ATM: variants seen among roughly 807,000 people sequenced by gnomAD.
ATM encodes ATM serine/threonine kinase, also known as serine-protein kinase ATM.
A neutral mutation model predicts 387.0 loss-of-function variants in ATM; 308 were observed. The observed-to-expected ratio is 0.80, with a 90% CI of 0.73 to 0.87. The LOEUF (loss-of-function observed/expected upper bound fraction) is 0.87, where lower values mean the gene tolerates loss of function less well. Ranked by LOEUF, ATM falls within the 40% of genes least tolerant of loss-of-function variation. ATM has a pLI of 0.00. For synonymous variants in ATM, 1,156 were observed against 1,187.3 expected, an observed-to-expected ratio of 0.97 and a Z score of 0.54; for missense variants, 3,312 against 3,560.9, an observed-to-expected ratio of 0.93 and a Z score of 1.78.
At chr11:108,282,612 A>C in intron 24 of ATM, 98 bp from the exon 25 acceptor site, 7 of 1,157,136 alleles carry the variant, frequency 6.0e-6, no homozygotes, top group Non-Finnish European at 8.7e-6. Flanking sequence ...AGTTGAATGA[A>C]TGTTGTTTCT....
At chr11:108,354,373 G>T (rs1663140046) in intron 60 of ATM, among the ~76,000 whole-genome samples, 1 of 152,112 alleles carries the variant, frequency 6.6e-6, no homozygotes, top group African/African-American at 2.4e-5. Flanking sequence ...GCATATAGAA[G>T]AGACTACATT....
chr11:108,336,235 T>C (rs762016570), intron 56 of ATM: 1 of 368,702 alleles, frequency 2.7e-6, no homozygotes, highest in Non-Finnish European at 5.1e-6. Context: ...AGTCCAGGAG[T>C]TTGAGGCTGC....
At chr11:108,290,826 TAA>T (rs202152959) in intron 29 of ATM, among the ~76,000 whole-genome samples, 67 of 124,688 alleles carry the variant, frequency 5.4e-4, no homozygotes, top group Admixed American at 5.6e-4. Context: ...TTCACTCAAT[TAA>T]AAAAAAAAAA....
rs3218695 is a variant in ATM at position 108,259,051 on chromosome 11, C to T, written c.2442C>T (p.Asp814=). 5 of 1,613,398 alleles carry T rather than the reference C, an allele frequency of 3.1e-6. No homozygotes were observed. In the African/African-American group the frequency reaches 5.3e-5, roughly 17 times the overall value. Residue 814 remains aspartate, a synonymous_variant, in exon 16 of 63, where the codon GAC becomes GAT. Coordinates refer to ENST00000675843, the MANE Select transcript of ATM (RefSeq NM_000051.4). Reference sequence around the variant, plus strand: ...TGTTAACATCAAAGCTAATGAATGACATTGCAGATATTTGTAAAAGTTTAG... The same window carrying T: ...TGTTAACATCAAAGCTAATGAATGATATTGCAGATATTTGTAAAAGTTTAG... The part of the protein sequence containing the change: ...LRLLTSKLMN[D]IADICKSLAS...
chr11:108,229,415 T>C (rs1190530752), intron 4 of ATM, 92 bp downstream of exon 4: 2 of 1,230,128 alleles, frequency 1.6e-6, no homozygotes, highest in African/African-American at 3.1e-5. Flanking sequence ...AGGACTTAAC[T>C]GTTGCATAAG....
At chr11:108,265,430 A>G (rs1197418565) in intron 16 of ATM, among the ~76,000 whole-genome samples, 3 of 152,232 alleles carry the variant, frequency 2.0e-5, no homozygotes, top group Non-Finnish European at 2.9e-5. Context: ...GGCTAGCCAT[A>G]TGTAGAAAGC....
chr11:108,302,747 C>A, intron 35 of ATM, 106 bp from the exon 36 acceptor site: 1 of 1,063,988 alleles, frequency 9.4e-7, no homozygotes, highest in Non-Finnish European at 1.4e-6. Flanking sequence ...TTAGTTTTAA[C>A]TGTATTTAGC....
At chr11:108,316,753 CAAAAAAAAAA>C (rs58165074) in intron 42 of ATM, among the ~76,000 whole-genome samples, 4 of 72,426 alleles carry the variant, frequency 5.5e-5, no homozygotes, top group African/African-American at 1.1e-4. Context: ...ACTAAAAATA[CAAAAAAAAAA>C]AAAAAAAAAA....
chr11:108,293,728 A>C (rs2082942281), intron 31 of ATM, among the ~76,000 whole-genome samples: 1 of 151,644 alleles, frequency 6.6e-6, no homozygotes, highest in South Asian at 2.1e-4. Context: ...TCTACAAAAA[A>C]TTAGTCGGGC....
rs1302106339 is a variant in ATM at position 108,326,059 on chromosome 11, T to C, written c.6809T>C (p.Leu2270Pro). Residue 2270 changes from leucine (L) to proline (P), a missense_variant and splice_region_variant, in exon 47 of 63, where the codon CTC becomes CCC. Coordinates refer to ENST00000675843, the MANE Select transcript of ATM (RefSeq NM_000051.4). ...TCCCATATGTCATTTTCATTTCAGCTCCCTGAAAGGGCAATATTTCAAATT... is the reference window on the plus strand; with the variant it reads ...TCCCATATGTCATTTTCATTTCAGCCCCCTGAAAGGGCAATATTTCAAATT... ...ILARTFKNTQLPERAIFQIKQ... is the reference protein window; with the variant it reads ...ILARTFKNTQPPERAIFQIKQ... The C allele has an allele frequency of 6.2e-7, 1 of 1,613,912 alleles. No individual in the cohort carries two copies. The highest frequency in any genetic ancestry group is 8.5e-7 in the Non-Finnish European group (1 of 1,179,880).
chr11:108,256,795 G>A (rs2080520757), intron 14 of ATM, among the ~76,000 whole-genome samples: 1 of 152,084 alleles, frequency 6.6e-6, no homozygotes, highest in Admixed American at 6.6e-5. Context: ...GTGTTAGTTT[G>A]CTGGGAATGA....
chr11:108,337,323 T>C (rs1189479714), intron 56 of ATM, among the ~76,000 whole-genome samples: 1 of 152,146 alleles, frequency 6.6e-6, no homozygotes, highest in Non-Finnish European at 1.5e-5. Flanking sequence ...ATAATAGATG[T>C]TTTCCATTAG....
At chr11:108,228,954 G>C (rs1591450622) in intron 3 of ATM, among the ~76,000 whole-genome samples, 1 of 152,172 alleles carries the variant, frequency 6.6e-6, no homozygotes, top group Non-Finnish European at 1.5e-5. Flanking sequence ...GCAATAGAAA[G>C]TCATAGAAGA....
chr11:108,338,051 T>C (rs630239), intron 56 of ATM, among the ~76,000 whole-genome samples: 2,434 of 152,352 alleles, frequency 0.016, 32 homozygotes, highest in Admixed American at 0.033. Flanking sequence ...ATATAAGTTA[T>C]TCCATTAAGA....
chr11:108,280,673 A>G (rs143005975), intron 23 of ATM, among the ~76,000 whole-genome samples: 2 of 152,322 alleles, frequency 1.3e-5, no homozygotes, highest in African/African-American at 4.8e-5. Context: ...TTAGAGGATA[A>G]CTATAATGTT....
At chr11:108,233,082 G>A (rs964345247) in intron 4 of ATM, among the ~76,000 whole-genome samples, 34 of 151,680 alleles carry the variant, frequency 2.2e-4, no homozygotes, top group African/African-American at 8.0e-4. Flanking sequence ...GGCTTGTCTC[G>A]AACTCCTGAC....
At chr11:108,364,702 A>G (rs926944197) in intron 61 of ATM, among the ~76,000 whole-genome samples, 78 of 152,282 alleles carry the variant, frequency 5.1e-4, no homozygotes, top group African/African-American at 1.5e-3. Context: ...CCACATCCCA[A>G]TCTATACCTT....
intron 56 of ATM, among the ~76,000 whole-genome samples, chr11:108,337,535 G>GGT (rs2086980921): frequency 6.6e-6 from 1 of 152,064 alleles, no homozygotes; most frequent in Non-Finnish European, 1.5e-5. Context: ...GCAAGATTAG[G>GGT]GTAGAACCTG....
intron 4 of ATM, among the ~76,000 whole-genome samples, chr11:108,232,777 G>A (rs1182875004): frequency 6.6e-6 from 1 of 151,902 alleles, no homozygotes; most frequent in Admixed American, 6.6e-5. Flanking sequence ...CTGGCCTCAA[G>A]TGATCTGCCT....
Sources: allele counts gnomAD v4.1 joint callset (sites outside exome capture counted in the v4.1 genomes callset), GRCh38; gene constraint gnomAD v4.1.1; transcripts MANE v1.5; gene names NCBI Gene and HGNC (gene_info 2026-07-23, HGNC 2026-07-21).